VPS13B: variants seen among roughly 807,000 people sequenced by gnomAD.
The protein encoded by VPS13B is vacuolar protein sorting 13 homolog B.
In VPS13B, 285 loss-of-function variants were observed where a neutral mutation model predicts 426.4. That is an observed-to-expected ratio of 0.67 (90% confidence interval 0.61 to 0.74). The LOEUF (loss-of-function observed/expected upper bound fraction) is 0.74, where lower values mean the gene tolerates loss of function less well. Among genes scored for constraint, VPS13B ranks in the 30% least tolerant of loss-of-function variants. VPS13B has a pLI of 0.00. For missense variants in VPS13B, 4,537 were observed against 4,782.6 expected (o/e 0.95, Z 1.51); for synonymous variants, 1,676 against 1,676.4 (o/e 1.00, Z 0.01).
chr8:99,545,720 G>T (rs900979632), intron 30 of VPS13B, among the ~76,000 whole-genome samples: 39 of 151,948 alleles, frequency 2.6e-4, no homozygotes, highest in African/African-American at 9.2e-4. Context: ...ATACACTTAG[G>T]ATTATCTTAG....
chr8:99,218,222 G>A (rs1815492056), intron 17 of VPS13B, among the ~76,000 whole-genome samples: 1 of 152,142 alleles, frequency 6.6e-6, no homozygotes, highest in African/African-American at 2.4e-5. Flanking sequence ...TACATTATTA[G>A]AGGATTGAAA....
chr8:99,665,184 A>C (rs1169980724), intron 35 of VPS13B, among the ~76,000 whole-genome samples: 1 of 152,024 alleles, frequency 6.6e-6, no homozygotes, highest in African/African-American at 2.4e-5. Flanking sequence ...TTTCTTATAA[A>C]TTTGTTTGAG....
intron 11 of VPS13B, 152 bp downstream of exon 11, chr8:99,135,885 T>C: frequency 8.8e-7 from 1 of 1,131,434 alleles, no homozygotes; most frequent in South Asian, 1.5e-5. Flanking sequence ...ACAGTATACA[T>C]GTAGAAATGT....
chr8:99,743,157 T>C (rs901235907), intron 39 of VPS13B, among the ~76,000 whole-genome samples: 1 of 152,112 alleles, frequency 6.6e-6, no homozygotes, highest in Non-Finnish European at 1.5e-5. Flanking sequence ...TGTGCAAAAA[T>C]CACAAGCATT....
rs1420965437 is a variant in VPS13B at position 99,819,997 on chromosome 8, T to G, written c.8869T>G (p.Leu2957Val). 6.2e-7 allele frequency: 1 copy of G among 1,614,066 alleles called. No individual in the cohort carries two copies. The highest frequency in any genetic ancestry group is 8.5e-7 in the Non-Finnish European group (1 of 1,179,938). ...CTGGAAGCCATATGTTAGAACTTTG[T>G]TGATAGAACTTCTGCCCTGGGCCCT... ...SIWKPYVRTL[L>V]IELLPWALLI... The change falls in exon 49 of 62, where the codon TTG (leucine) becomes GTG (valine). Residue 2957 changes from leucine to valine, a missense_variant. By Grantham distance (32) the Leu-to-Val change is conservative. Around this residue, in one of 2 missense-constraint regions of VPS13B, gnomAD observed 4,311 missense variants for 4,474.3 expected, o/e 0.96. Transcript: ENST00000357162.
At chr8:99,410,783 A>G (rs1165634802) in intron 21 of VPS13B, among the ~76,000 whole-genome samples, 5 of 152,000 alleles carry the variant, frequency 3.3e-5, no homozygotes, top group African/African-American at 1.2e-4. Flanking sequence ...CTTGTTGTTC[A>G]ACTCCCACTT....
rs59727162 is a variant in VPS13B at position 99,209,566 on chromosome 8, ATT to A, written c.2515+16524_2515+16525del. 3,300 of 222,012 alleles carry A rather than the reference ATT, an allele frequency of 0.015. No individual in the cohort carries two copies. The highest frequency in any genetic ancestry group is 0.03 in the South Asian group (527 of 17,556). 13.8% of individuals were successfully genotyped at this position (222,012 alleles called of 1,614,324 possible). On this transcript the variant is annotated intron_variant, in intron 17 of 61. Coordinates refer to ENST00000357162, the MANE Select transcript of VPS13B (RefSeq NM_152564.5). ...ACTATTATGAATTATTTTAATAACA[ATT>A]TTTTTTTTTTTTTTACTTTGTAGAG...
chr8:99,311,809 C>A (rs1211747180), intron 19 of VPS13B, among the ~76,000 whole-genome samples: 1 of 152,094 alleles, frequency 6.6e-6, no homozygotes, highest in African/African-American at 2.4e-5. Flanking sequence ...GAGTCTAAGT[C>A]TCTTTGTAGG....
chr8:99,838,995 C>A (rs1815536295), intron 54 of VPS13B, among the ~76,000 whole-genome samples: 1 of 152,224 alleles, frequency 6.6e-6, no homozygotes, highest in Non-Finnish European at 1.5e-5. Context: ...GATGAGAGAC[C>A]AAACCTGGCA....
intron 35 of VPS13B, chr8:99,697,595 A>T (rs1263984894): frequency 1.2e-5 from 8 of 658,176 alleles, no homozygotes; most frequent in Non-Finnish European, 2.2e-5. Context: ...ACTCTCAAAG[A>T]CTGGTAGGTG....
chr8:99,501,914 C>G, intron 26 of VPS13B, 56 bp downstream of exon 26: 1 of 1,424,546 alleles, frequency 7.0e-7, no homozygotes, highest in Non-Finnish European at 9.5e-7. Context: ...CTCCCTCCCT[C>G]CCTCCCTCCC....
At chr8:99,616,350 G>A (rs931062456) in intron 33 of VPS13B, among the ~76,000 whole-genome samples, 6 of 152,134 alleles carry the variant, frequency 3.9e-5, no homozygotes, top group Admixed American at 3.9e-4. Context: ...AGTAATAGAT[G>A]TATAAAGAAA....
At position 99,350,895 on chromosome 8, in the gene VPS13B, G is replaced by A. The variant is rs575118112; in HGVS notation, c.2825-33313G>A. On this transcript the variant is annotated intron_variant, in intron 19 of 61. Transcript: ENST00000357162. ...AATATGTAGTATGAATCAGGAGATT[G>A]TAATATGTAATATTTTGAGTTACCT... is the stretch of plus-strand genomic sequence containing the variant. 2.6e-5 allele frequency among the ~76,000 whole-genome samples: 4 copies of A among 151,820 alleles called. No homozygotes were observed. In the East Asian group the frequency reaches 7.7e-4, roughly 29 times the overall value.
chr8:99,592,627 C>A (rs936424942), intron 33 of VPS13B, among the ~76,000 whole-genome samples: 1 of 152,048 alleles, frequency 6.6e-6, no homozygotes, highest in Non-Finnish European at 1.5e-5. Flanking sequence ...GCAAAAAGAG[C>A]AAAGCTGGAG....
chr8:99,530,282 G>T (rs1822862007), intron 30 of VPS13B, among the ~76,000 whole-genome samples: 1 of 152,024 alleles, frequency 6.6e-6, no homozygotes, highest in Admixed American at 6.6e-5. Context: ...AGCAATGGCT[G>T]ACCTACCTTT....
intron 33 of VPS13B, among the ~76,000 whole-genome samples, chr8:99,579,843 G>A (rs1258035676): frequency 6.6e-6 from 1 of 151,920 alleles, no homozygotes; most frequent in Non-Finnish European, 1.5e-5. Context: ...GATTACAGGT[G>A]CATGTCACCA....
At chr8:99,139,902 T>G (rs1810307611) in intron 12 of VPS13B, among the ~76,000 whole-genome samples, 1 of 152,134 alleles carries the variant, frequency 6.6e-6, no homozygotes, top group African/African-American at 2.4e-5. Context: ...TGACAACTTT[T>G]TTTTTGTTTC....
chr8:99,118,351 C>G (rs1401675120), intron 7 of VPS13B, among the ~76,000 whole-genome samples: 2 of 152,140 alleles, frequency 1.3e-5, no homozygotes, highest in African/African-American at 2.4e-5. Flanking sequence ...ACCCCTAACC[C>G]TCAGCTGCCT....
chr8:99,350,758 G>A (rs72672378), intron 19 of VPS13B, among the ~76,000 whole-genome samples: 8,827 of 151,848 alleles, frequency 0.058, 263 homozygotes, highest in South Asian at 0.094. Context: ...AAATGAATCA[G>A]GAGATTGTAA....
Sources: gnomAD v4.1 joint callset for allele counts (sites outside exome capture counted in the v4.1 genomes callset) on GRCh38, gnomAD v4.1.1 for gene constraint, gnomAD v4.1.1 regional missense constraint, MANE v1.5 for transcripts, NCBI Gene and HGNC (gene_info 2026-07-23, HGNC 2026-07-21) for gene names.